Variants in HNRNPUL2 observed in about 807,000 individuals in gnomAD.
HNRNPUL2 encodes the protein heterogeneous nuclear ribonucleoprotein U like 2.
HNRNPUL2 carries 27 observed loss-of-function variants against 102.2 expected under a neutral mutation model. The ratio of observed to expected loss-of-function variants is 0.26; its 90% CI spans 0.19 to 0.36. HNRNPUL2 has a LOEUF of 0.36. Among genes scored for constraint, HNRNPUL2 ranks in the 10% least tolerant of loss-of-function variants. HNRNPUL2 has a pLI of 1.00. For missense variants in HNRNPUL2, 936 were observed against 981.1 expected (o/e 0.95, Z 0.61); for synonymous variants, 458 against 387.2 (o/e 1.18, Z -2.15).
At chr11:62,720,646 T>A (rs10897291) in intron 9 of HNRNPUL2, among the ~76,000 whole-genome samples, 5,541 of 151,078 alleles carry the variant, frequency 0.037, 117 homozygotes, top group Middle Eastern at 0.076. Context: ...AGGTAGATCA[T>A]GAGGTCAGGA....
At chr11:62,718,596 G>A (rs2083677370) in intron 10 of HNRNPUL2, among the ~76,000 whole-genome samples, 1 of 151,314 alleles carries the variant, frequency 6.6e-6, no homozygotes, top group Non-Finnish European at 1.5e-5. Flanking sequence ...AAGAGGCTGA[G>A]GCAGGAGAAT....
At chr11:62,726,467 T>C in intron 1 of HNRNPUL2, 152 bp downstream of exon 1, 1 of 792,342 alleles carries the variant, frequency 1.3e-6, no homozygotes, top group South Asian at 2.2e-5. Context: ...GCCTAACCCC[T>C]CAGAAAGGTG....
At position 62,727,404 on chromosome 11, in the gene HNRNPUL2, T is replaced by A. The variant is rs917649955; in HGVS notation, c.-248A>T. Reference sequence around the variant, plus strand: ...CAAAACAACGCAGCAGGGAGCTGTTTCCCCTCCAGGCCCTTGGTTCCCCAG... The same window carrying A: ...CAAAACAACGCAGCAGGGAGCTGTTACCCCTCCAGGCCCTTGGTTCCCCAG... On this transcript the variant is annotated 5_prime_UTR_variant, in exon 1 of 14. Transcript: ENST00000301785. 5.2e-6 allele frequency: 2 copies of A among 383,640 alleles called. No homozygotes were observed. Among genetic ancestry groups the A allele is most frequent in the South Asian group, 2.5e-4 (2 of 8,030 alleles). 23.8% of individuals were successfully genotyped at this position (383,640 alleles called of 1,614,324 possible).
rs764740635 is a variant in HNRNPUL2 at position 62,726,940 on chromosome 11, C to T, written c.217G>A (p.Gly73Arg). The change falls in exon 1 of 14, where the codon GGG (glycine) becomes AGG (arginine). Residue 73 changes from glycine (G) to arginine (R), a missense_variant. Physicochemically the swap from Gly to Arg is moderately radical, Grantham distance 125. Coordinates refer to ENST00000301785, the MANE Select transcript of HNRNPUL2 (RefSeq NM_001079559.3). ...PVAASGGGPG[G>R]DEEEDEEEEE... is the part of the protein sequence containing the mutation. ...TCCTCTTCGTCCTCCTCCTCGTCCC[C>T]GCCCGGGCCGCCGCCCGACGCGGCC... The T allele has an allele frequency of 1.4e-6, 2 of 1,478,696 alleles. No homozygotes were observed. Among genetic ancestry groups the T allele is most frequent in the South Asian group, 2.6e-5 (2 of 77,864 alleles). 91.6% of individuals were successfully genotyped at this position (1,478,696 alleles called of 1,614,324 possible). A position where few individuals can be genotyped will look rare whatever the true frequency, so the allele number is the denominator to read the frequency against.
Position 62,714,000 on chromosome 11 carries a change from G to A in HNRNPUL2, c.*1299C>T, listed in dbSNP as rs1034968940. The A allele has an allele frequency of 6.6e-6, 1 of 152,148 alleles. No homozygotes were observed. Among genetic ancestry groups the A allele is most frequent in the Non-Finnish European group, 1.5e-5 (1 of 68,050 alleles). 9.4% of individuals were successfully genotyped at this position (152,148 alleles called of 1,614,324 possible). On this transcript the variant is annotated 3_prime_UTR_variant, in exon 14 of 14. Coordinates refer to ENST00000301785, the MANE Select transcript of HNRNPUL2 (RefSeq NM_001079559.3). ...GGCTCCTGGCTAGAGGCCTCTCTGG[G>A]GACACACAGGGAAAGCGCCCCAAAA...
At chr11:62,722,995 A>G in intron 4 of HNRNPUL2, 92 bp from the exon 5 acceptor site, 1 of 880,644 alleles carries the variant, frequency 1.1e-6, no homozygotes, top group Admixed American at 2.3e-5. Flanking sequence ...ACAAACTGAA[A>G]ACGACATTTA....
intron 9 of HNRNPUL2, 86 bp downstream of exon 9, chr11:62,721,209 T>C (rs770733285): frequency 1.3e-4 from 160 of 1,251,364 alleles, no homozygotes; most frequent in Non-Finnish European, 1.7e-4. Context: ...TGGTCATAAT[T>C]AGGTAAGCTG....
Position 62,715,334 on chromosome 11 carries a change from A to G in HNRNPUL2, c.2209T>C (p.Tyr737His). The G allele has an allele frequency of 6.2e-7, 1 of 1,613,276 alleles. No individual in the cohort carries two copies. Among genetic ancestry groups the G allele is most frequent in the South Asian group, 1.1e-5 (1 of 91,018 alleles). The change falls in exon 14 of 14, where the codon TAC becomes CAC. Residue 737 changes from tyrosine (Y) to histidine (H), a missense_variant. By Grantham distance (83) the Tyr-to-His change is moderately conservative. Transcript: ENST00000301785. Reference sequence around the variant, plus strand: ...CCTTGGTACCCGTAGTAATTCCTGTAGTATCGGTCTCTGTCCTGGGGGTGG... The same window carrying G: ...CCTTGGTACCCGTAGTAATTCCTGTGGTATCGGTCTCTGTCCTGGGGGTGG... The part of the protein sequence containing the change: ...YHHPQDRDRY[Y>H]RNYYGYQGYR
At position 62,716,990 on chromosome 11, in the gene HNRNPUL2, A is replaced by G. The variant is rs1046129804; in HGVS notation, c.1980T>C (p.Tyr660=). 15 of 1,612,456 alleles carry G rather than the reference A, an allele frequency of 9.3e-6. No individual in the cohort carries two copies. Among genetic ancestry groups the G allele is most frequent in the Non-Finnish European group, 1.2e-5 (14 of 1,179,838 alleles). The part of the protein sequence containing the change: ...NRQNRSRGQG[Y]VGGQRRGYDN... Reference sequence around the variant, plus strand: ...GGCTGGCAGGTCCCCAAGACTCACCATAGCCTTGGCCCCGGCTTCGGTTCT... The same window carrying G: ...GGCTGGCAGGTCCCCAAGACTCACCGTAGCCTTGGCCCCGGCTTCGGTTCT... The change falls in exon 11 of 14, where the codon TAT becomes TAC. Residue 660 remains tyrosine (Y), a splice_region_variant and synonymous_variant. Transcript: ENST00000301785.
chr11:62,727,248 C>T lies in HNRNPUL2; in HGVS notation c.-92G>A. The T allele has an allele frequency of 2.4e-6, 3 of 1,257,576 alleles. No homozygotes were observed. The highest frequency in any genetic ancestry group is 1.6e-5 in the African/African-American group (1 of 63,660). 77.9% of individuals were successfully genotyped at this position (1,257,576 alleles called of 1,614,324 possible). On this transcript the variant is annotated 5_prime_UTR_variant, in exon 1 of 14. Coordinates refer to ENST00000301785, the MANE Select transcript of HNRNPUL2 (RefSeq NM_001079559.3). The stretch of plus-strand genomic sequence containing the variant: ...CGCAGGCGCCGCCGCCGCCGCCCGC[C>T]TCCGCCTCACGCGCCAGCACTGAGC...
chr11:62,723,539 G>T, intron 4 of HNRNPUL2, 48 bp downstream of exon 4: 2 of 1,516,628 alleles, frequency 1.3e-6, no homozygotes, highest in South Asian at 2.4e-5. Flanking sequence ...AGAACCGTAA[G>T]CATCCAGTAA....
At chr11:62,725,402 G>A (rs1367307933) in intron 1 of HNRNPUL2, among the ~76,000 whole-genome samples, 1 of 152,194 alleles carries the variant, frequency 6.6e-6, no homozygotes, top group Non-Finnish European at 1.5e-5. Flanking sequence ...GTTTCACCAT[G>A]TTGACCAGGC....
At chr11:62,721,986 G>T (rs778788263) in intron 7 of HNRNPUL2, 44 bp from the exon 8 acceptor site, 1 of 1,611,014 alleles carries the variant, frequency 6.2e-7, no homozygotes, top group Non-Finnish European at 8.5e-7. Context: ...ATAAATGAGG[G>T]TCATGTTTAT....
Position 62,723,607 on chromosome 11 carries a change from T to C in HNRNPUL2, c.871A>G (p.Lys291Glu). 1.2e-6 allele frequency: 2 copies of C among 1,611,296 alleles called. No individual in the cohort carries two copies. The highest frequency in any genetic ancestry group is 1.7e-6 in the Non-Finnish European group (2 of 1,178,486). ...ARSTYGVTKG[K>E]VCFEAKVTQN... ...GCTACCTTTGCCTCAAAGCAGACTT[T>C]TCCCTTTGTCACTCCGTAAGTACTC... Residue 291 changes from lysine (K) to glutamate (E), a missense_variant, in exon 4 of 14, where the codon AAA becomes GAA. Lys to Glu is a moderately conservative substitution (Grantham distance 56, BLOSUM62 1). Transcript: ENST00000301785.
chr11:62,721,694 G>A (rs2083704215), intron 8 of HNRNPUL2, 126 bp downstream of exon 8: 6 of 1,194,462 alleles, frequency 5.0e-6, no homozygotes, highest in South Asian at 3.0e-5. Flanking sequence ...AAAACGCATA[G>A]AGAAAAATCT....
intron 8 of HNRNPUL2, 137 bp from the exon 9 acceptor site, chr11:62,721,560 C>T (rs953177145): frequency 2.2e-6 from 2 of 901,956 alleles, no homozygotes; most frequent in South Asian, 1.7e-5. Flanking sequence ...TTCTTCAGTG[C>T]TGTGAATGTT....
At position 62,724,091 on chromosome 11, in the gene HNRNPUL2, T is replaced by C. The variant is rs750919433; in HGVS notation, c.675-101A>G. 7.1e-4 allele frequency: 849 copies of C among 1,202,298 alleles called. 1 individual carries two copies. The highest frequency in any genetic ancestry group is 9.5e-4 in the Non-Finnish European group (788 of 825,452). The allele number at this position is 1,202,298 out of a possible 1,614,324, so 74.5% of individuals were successfully genotyped here. On this transcript the variant is annotated intron_variant, in intron 2 of 13. Transcript: ENST00000301785. ...ATGTCCATTTTAAACTGTCAGTGAATATCAAATCCCAGCAGACAGCTTTTT... is the reference window on the plus strand; with the variant it reads ...ATGTCCATTTTAAACTGTCAGTGAACATCAAATCCCAGCAGACAGCTTTTT...
chr11:62,722,476 A>C (rs2083711002), intron 6 of HNRNPUL2, 96 bp from the exon 7 acceptor site: 1 of 1,496,942 alleles, frequency 6.7e-7, no homozygotes. Flanking sequence ...ACTGCTGCAC[A>C]AAGTAACTAA....
chr11:62,725,186 AG>A (rs1344378465), intron 1 of HNRNPUL2, among the ~76,000 whole-genome samples: 1 of 152,160 alleles, frequency 6.6e-6, no homozygotes, highest in African/African-American at 2.4e-5. Context: ...TCTTTAAAGC[AG>A]TCTTTTATCC....
Sources: allele counts gnomAD v4.1 joint callset (sites outside exome capture counted in the v4.1 genomes callset), GRCh38; gene constraint gnomAD v4.1.1; transcripts MANE v1.5; gene names NCBI Gene and HGNC (gene_info 2026-07-23, HGNC 2026-07-21).